Variants in DAB1 observed in about 807,000 individuals in gnomAD.
The protein encoded by DAB1 is DAB adaptor protein 1.
A neutral mutation model predicts 64.6 loss-of-function variants in DAB1; 15 were observed. The ratio of observed to expected loss-of-function variants is 0.23; its 90% CI spans 0.16 to 0.36. The LOEUF is 0.36. DAB1 is among the 10% of genes least tolerant of loss of function. The pLI, the probability that DAB1 is intolerant of heterozygous loss-of-function variation, is 1.00. For missense variants in DAB1, 596 were observed against 706.7 expected (o/e 0.84, Z 1.78); for synonymous variants, 235 against 251.9 (o/e 0.93, Z 0.64).
intron 1 of DAB1, among the ~76,000 whole-genome samples, chr1:57,842,568 T>C (rs1653102666): frequency 6.6e-6 from 1 of 152,162 alleles, no homozygotes; most frequent in Non-Finnish European, 1.5e-5. Context: ...TCTGAATGGC[T>C]GGGGAGGCCT....
chr1:57,757,735 G>T (rs1189976318), intron 6 of DAB1, among the ~76,000 whole-genome samples: 1 of 152,086 alleles, frequency 6.6e-6, no homozygotes, highest in Non-Finnish European at 1.5e-5. Flanking sequence ...TGAGGGTTCA[G>T]ACTCCATTTT....
At chr1:58,262,380 A>C (rs1464917877) in intron 4 of DAB1, among the ~76,000 whole-genome samples, 1 of 152,124 alleles carries the variant, frequency 6.6e-6, no homozygotes, top group African/African-American at 2.4e-5. Context: ...TGGTCAAGAG[A>C]TCGAGACCAT....
intron 3 of DAB1, among the ~76,000 whole-genome samples, chr1:58,493,337 T>A (rs1645734158): frequency 6.6e-6 from 1 of 152,178 alleles, no homozygotes; most frequent in African/African-American, 2.4e-5. Context: ...ATTGGAAGCA[T>A]TCCCTTTGAA....
At chr1:57,966,040 A>G (rs1645656702) in intron 5 of DAB1, among the ~76,000 whole-genome samples, 2 of 152,170 alleles carry the variant, frequency 1.3e-5, no homozygotes, top group Admixed American at 1.3e-4. Flanking sequence ...AATGATCTTC[A>G]ATAATTGTTT....
At chr1:57,024,185 C>T (rs1441438544) in intron 10 of DAB1, among the ~76,000 whole-genome samples, 1 of 152,002 alleles carries the variant, frequency 6.6e-6, no homozygotes. Context: ...CGCCACACCC[C>T]CCGTCAGCGC....
At chr1:57,689,754 GT>G (rs1646741659) in intron 6 of DAB1, among the ~76,000 whole-genome samples, 1 of 152,098 alleles carries the variant, frequency 6.6e-6, no homozygotes, top group Non-Finnish European at 1.5e-5. Context: ...TTATCTTTGT[GT>G]TACAAATAAT....
intron 4 of DAB1, among the ~76,000 whole-genome samples, chr1:58,224,084 T>G (rs186130955): frequency 2.1e-4 from 32 of 152,338 alleles, no homozygotes; most frequent in Admixed American, 1.6e-3. Flanking sequence ...CCTTGCTGGA[T>G]TTCTAGTGGC....
At chr1:57,184,343 T>G (rs563516996) in intron 2 of DAB1, among the ~76,000 whole-genome samples, 1 of 152,288 alleles carries the variant, frequency 6.6e-6, no homozygotes, top group East Asian at 1.9e-4. Flanking sequence ...GAAAGCAGAT[T>G]AGTGGTTACG....
At chr1:58,022,924 T>G (rs1274018618) in intron 5 of DAB1, among the ~76,000 whole-genome samples, 2 of 152,152 alleles carry the variant, frequency 1.3e-5, no homozygotes, top group African/African-American at 2.4e-5. Context: ...TTTTGTCTTA[T>G]TTTTGAATCC....
intron 4 of DAB1, among the ~76,000 whole-genome samples, chr1:58,333,919 G>A (rs6681630): frequency 4.8e-4 from 73 of 152,318 alleles, no homozygotes; most frequent in African/African-American, 1.7e-3. Context: ...ATCTAGAGGG[G>A]ACTTTTGTTA....
chr1:57,817,477 G>A (rs1029928715), intron 6 of DAB1, among the ~76,000 whole-genome samples: 1 of 152,204 alleles, frequency 6.6e-6, no homozygotes, highest in Non-Finnish European at 1.5e-5. Context: ...TGCAGCTCTG[G>A]AAGATATTTT....
intron 1 of DAB1, chr1:57,307,307 T>C (rs1330629727): frequency 2.6e-5 from 4 of 152,250 alleles, no homozygotes; most frequent in Admixed American, 2.6e-4. Context: ...ATCTCTTCTG[T>C]ACCTTGTAAA....
chr1:57,237,400 T>C (rs1668173978), intron 2 of DAB1, among the ~76,000 whole-genome samples: 1 of 152,188 alleles, frequency 6.6e-6, no homozygotes, highest in South Asian at 2.1e-4. Context: ...GGAAAATAAA[T>C]TATCCCTGCT....
chr1:57,575,675 T>A lies in DAB1; in HGVS notation n.625+73917A>T, dbSNP rs140862977. 1.1e-3 allele frequency among the ~76,000 whole-genome samples: 166 copies of A among 152,362 alleles called. 1 individual carries two copies. The highest frequency in any genetic ancestry group is 5.7e-4 in the Non-Finnish European group (39 of 68,032). On this transcript the variant is annotated intron_variant and non_coding_transcript_variant, in intron 7 of 20. Transcript: ENST00000485760. ...CTAGTGCCAAAATACAGTACTGTAC[T>A]GGGGCTGAGCTATGAACCTAAGACT...
chr1:57,821,950 T>C (rs852768), downstream of DAB1, among the ~76,000 whole-genome samples: 91,614 of 152,054 alleles, frequency 0.6, 27,865 homozygotes, highest in African/African-American at 0.68. Context: ...TGAGGTAGAA[T>C]TTATCCTCAA....
chr1:57,093,172 C>T (rs569833057), intron 4 of DAB1, among the ~76,000 whole-genome samples: 38 of 152,296 alleles, frequency 2.5e-4, no homozygotes, highest in African/African-American at 7.5e-4. Context: ...GACCTGGGTT[C>T]TGGTGGGGTT....
intron 3 of DAB1, among the ~76,000 whole-genome samples, chr1:58,442,872 G>A (rs1262951598): frequency 6.6e-6 from 1 of 152,140 alleles, no homozygotes; most frequent in Non-Finnish European, 1.5e-5. Context: ...GCAAGAGAGT[G>A]AGACTCTGTC....
intron 6 of DAB1, among the ~76,000 whole-genome samples, chr1:57,715,810 C>T (rs898572824): frequency 6.6e-6 from 1 of 152,088 alleles, no homozygotes; most frequent in East Asian, 1.9e-4. Flanking sequence ...GAAAGATAGG[C>T]CACGTTCATG....
chr1:58,160,678 C>CA (rs955506619), intron 4 of DAB1, among the ~76,000 whole-genome samples: 5 of 151,654 alleles, frequency 3.3e-5, no homozygotes, highest in African/African-American at 4.8e-5. Flanking sequence ...CAATAGGCTA[C>CA]AAAAAAAAGT....
Sources: gnomAD v4.1 joint callset for allele counts (sites outside exome capture counted in the v4.1 genomes callset) on GRCh38, gnomAD v4.1.1 for gene constraint, MANE v1.5 for transcripts, NCBI Gene and HGNC (gene_info 2026-07-23, HGNC 2026-07-21) for gene names.